The following CHODL variants were observed in gnomAD, a reference collection of about 807,000 sequenced individuals.
The protein encoded by CHODL is chondrolectin, also known as transmembrane protein MT75.
A neutral mutation model predicts 34.5 loss-of-function variants in CHODL; 29 were observed. The observed-to-expected ratio is 0.84, with a 90% confidence interval of 0.63 to 1.15. The LOEUF (loss-of-function observed/expected upper bound fraction) is 1.15. Among genes scored for constraint, CHODL ranks in the 50% most tolerant of loss-of-function variants. The probability of loss-of-function intolerance (pLI) is 0.00; values close to 1 mark genes in which losing one functional copy is unlikely to be tolerated. For synonymous variants in CHODL, 125 were observed against 116.1 expected, an observed-to-expected ratio of 1.08 and a Z score of -0.49; for missense variants, 332 against 332.5, an observed-to-expected ratio of 1.00 and a Z score of 0.01.
At chr21:18,232,969 A>ATATATATATG (rs1568947327) in intron 2 of CHODL, among the ~76,000 whole-genome samples, 1 of 138,956 alleles carries the variant, frequency 7.2e-6, no homozygotes, top group African/African-American at 3.0e-5. Flanking sequence ...ATATATATAT[A>ATATATATATG]TATGTATATA....
At chr21:18,070,000 T>TTCCCTTCCCG (rs2064778623) in intron 2 of CHODL, among the ~76,000 whole-genome samples, 1 of 64,844 alleles carries the variant, frequency 1.5e-5, no homozygotes, top group African/African-American at 4.6e-5. Flanking sequence ...TTCCCTTCCC[T>TTCCCTTCCCG]TCCCTTCCCT....
intron 1 of CHODL, among the ~76,000 whole-genome samples, chr21:17,946,361 A>G (rs2063409399): frequency 6.6e-6 from 1 of 152,186 alleles, no homozygotes; most frequent in South Asian, 2.1e-4. Context: ...CGGAGCCTGC[A>G]GTGAGCCGAG....
At chr21:18,255,780 T>C (rs1311037728) in intron 1 of CHODL, among the ~76,000 whole-genome samples, 1 of 152,082 alleles carries the variant, frequency 6.6e-6, no homozygotes, top group African/African-American at 2.4e-5. Context: ...TTATCAGAGA[T>C]GTCTCTGTAA....
At chr21:18,000,297 TGA>T (rs1462843885) in intron 1 of CHODL, among the ~76,000 whole-genome samples, 1 of 151,538 alleles carries the variant, frequency 6.6e-6, no homozygotes, top group African/African-American at 2.4e-5. Flanking sequence ...ACTACAAAGG[TGA>T]GATTCCCTAG....
intron 2 of CHODL, among the ~76,000 whole-genome samples, chr21:18,142,820 G>T (rs1159061324): frequency 4.6e-5 from 7 of 152,138 alleles, no homozygotes; most frequent in Non-Finnish European, 7.4e-5. Context: ...TGCATGCCTA[G>T]ATTAGTGTGT....
At chr21:18,070,012 C>CCCTTCCCTTACCTTT (rs2064779323) in intron 2 of CHODL, among the ~76,000 whole-genome samples, 1 of 70,572 alleles carries the variant, frequency 1.4e-5, no homozygotes, top group Non-Finnish European at 3.5e-5. Flanking sequence ...CCCTTCCCTT[C>CCCTTCCCTTACCTTT]CCTTCCCTTC....
intron 2 of CHODL, among the ~76,000 whole-genome samples, chr21:18,125,945 A>G (rs1408106675): frequency 6.6e-6 from 1 of 152,250 alleles, no homozygotes; most frequent in African/African-American, 2.4e-5. Context: ...ATCAAACAGT[A>G]TCACATGCTA....
At chr21:17,953,921 A>C (rs1909593940) in intron 1 of CHODL, among the ~76,000 whole-genome samples, 1 of 152,150 alleles carries the variant, frequency 6.6e-6, no homozygotes, top group Admixed American at 6.5e-5. Context: ...GAGGCAGGAC[A>C]ATCACTTGAA....
chr21:18,052,985 T>C (rs1298720977), intron 2 of CHODL, among the ~76,000 whole-genome samples: 1 of 151,942 alleles, frequency 6.6e-6, no homozygotes, highest in African/African-American at 2.4e-5. Context: ...CTGTGGAGTA[T>C]ATTTAATTTC....
At chr21:17,922,478 G>A (rs753353851) in intron 1 of CHODL, among the ~76,000 whole-genome samples, 10 of 152,164 alleles carry the variant, frequency 6.6e-5, no homozygotes, top group African/African-American at 9.7e-5. Flanking sequence ...AGAATCAGAG[G>A]AGACACTCAA....
chr21:18,130,480 G>A (rs1017499293), intron 2 of CHODL, among the ~76,000 whole-genome samples: 2 of 151,936 alleles, frequency 1.3e-5, no homozygotes, highest in Non-Finnish European at 2.9e-5. Context: ...GTATAGAGTG[G>A]GTCTGTGTCA....
intron 2 of CHODL, among the ~76,000 whole-genome samples, chr21:18,164,096 A>G (rs1472084694): frequency 6.6e-6 from 1 of 152,214 alleles, no homozygotes; most frequent in African/African-American, 2.4e-5. Context: ...CATCAGCACT[A>G]TTCCTGATGT....
At chr21:18,205,759 T>G (rs546008105) in intron 2 of CHODL, among the ~76,000 whole-genome samples, 1 of 141,176 alleles carries the variant, frequency 7.1e-6, no homozygotes, top group South Asian at 2.3e-4. Flanking sequence ...TTTTTTGAGA[T>G]AGAGTCTCAC....
chr21:18,248,586 A>T (rs13046215), intron 1 of CHODL, among the ~76,000 whole-genome samples: 5,345 of 135,766 alleles, frequency 0.039, 352 homozygotes, highest in African/African-American at 0.14. Flanking sequence ...AATGTATTTT[A>T]TATATATATA....
At chr21:18,042,540 C>T (rs2064389084) in intron 2 of CHODL, among the ~76,000 whole-genome samples, 1 of 151,988 alleles carries the variant, frequency 6.6e-6, no homozygotes, top group African/African-American at 2.4e-5. Context: ...TCTTGTCACC[C>T]AGCCAGTGTG....
intron 2 of CHODL, among the ~76,000 whole-genome samples, chr21:18,220,713 G>A (rs1194731860): frequency 6.6e-6 from 1 of 150,490 alleles, no homozygotes; most frequent in African/African-American, 2.4e-5. Context: ...TTTTCTTTCA[G>A]CACTTTGACT....
rs142100950 is a variant in CHODL at position 18,019,232 on chromosome 21, T to C, written c.-144-8640T>C. ...TGTTCAAAACAAGAATAAAAGCAGG[T>C]ATTCTTGGATGTTACTTGAAATTAG... On this transcript the variant is annotated intron_variant, in intron 1 of 6. Transcript: ENST00000400127. Among the ~76,000 whole-genome samples the C allele has an allele frequency of 1.3e-4, 20 of 152,300 alleles. No homozygotes were observed. In the East Asian group the frequency reaches 3.9e-3, roughly 29 times the overall value.
At chr21:18,035,617 G>A (rs2064299986) in intron 2 of CHODL, among the ~76,000 whole-genome samples, 1 of 151,874 alleles carries the variant, frequency 6.6e-6, no homozygotes, top group South Asian at 2.1e-4. Flanking sequence ...CCCACAGTTT[G>A]TTAATGTTGT....
intron 2 of CHODL, among the ~76,000 whole-genome samples, chr21:18,061,510 T>A (rs1374396044): frequency 6.6e-6 from 1 of 152,090 alleles, no homozygotes; most frequent in Admixed American, 6.6e-5. Flanking sequence ...GGGAAAGTCA[T>A]TGTCAATTTC....
Sources: allele counts gnomAD v4.1 joint callset (sites outside exome capture counted in the v4.1 genomes callset), GRCh38; gene constraint gnomAD v4.1.1; transcripts MANE v1.5; gene names NCBI Gene and HGNC (gene_info 2026-07-23, HGNC 2026-07-21).